TTLL6: variants seen among roughly 807,000 people sequenced by gnomAD.
TTLL6 encodes tubulin polyglutamylase TTLL6.
A neutral mutation model predicts 96.4 loss-of-function variants in TTLL6; 75 were observed. The ratio of observed to expected loss-of-function variants is 0.78; its 90% CI spans 0.65 to 0.94. The LOEUF (loss-of-function observed/expected upper bound fraction) is 0.94. TTLL6 is among the 40% of genes least tolerant of loss of function. The probability of loss-of-function intolerance (pLI) is 0.00; values close to 1 mark genes in which losing one functional copy is unlikely to be tolerated. For missense variants in TTLL6, 1,030 were observed against 1,093.0 expected (o/e 0.94, Z 0.81); for synonymous variants, 411 against 419.4 (o/e 0.98, Z 0.24).
Position 48,786,271 on chromosome 17 carries a change from C to T in TTLL6, c.1654G>A (p.Glu552Lys). 1 of 1,614,264 alleles carries T rather than the reference C, an allele frequency of 6.2e-7. No homozygotes were observed. Among genetic ancestry groups the T allele is most frequent in the South Asian group, 1.1e-5 (1 of 91,084 alleles). The change falls in exon 12 of 16, where the codon GAG becomes AAG. Residue 552 changes from glutamate to lysine, a missense_variant. Glu to Lys is a moderately conservative substitution (Grantham distance 56, BLOSUM62 1). Coordinates refer to ENST00000393382, the MANE Select transcript of TTLL6 (RefSeq NM_001130918.3). ...KKPFQMKKKV[E>K]MQGESAGEQV... ...TCGCCTGCCGATTCCCCCTGCATCT[C>T]TACCTTCTTCTTCATTTGGAAGGGC...
chr17:48,783,589 A>G (rs668246), intron 13 of TTLL6, among the ~76,000 whole-genome samples: 127,182 of 151,828 alleles, frequency 0.84, 54,666 homozygotes, highest in Non-Finnish European at 0.93. Context: ...GCACCATCAC[A>G]CCTGGCTAAT....
At chr17:48,772,180 A>G (rs1439927486) in intron 13 of TTLL6, among the ~76,000 whole-genome samples, 1 of 152,104 alleles carries the variant, frequency 6.6e-6, no homozygotes, top group Non-Finnish European at 1.5e-5. Flanking sequence ...TCGAGAGAAA[A>G]AAGTAGTCAA....
Position 48,796,146 on chromosome 17 carries a change from C to T in TTLL6, c.913G>A (p.Asp305Asn). The change falls in exon 8 of 16, where the codon GAT becomes AAT. Residue 305 changes from aspartate to asparagine, a missense_variant and splice_region_variant. Transcript: ENST00000393382. ...TTAGTCAGGTGCATGCAGATATCAT[C>T]CTGGGGAAAAAGACACACATCTGTC... ...SYSRPCTDNL[D>N]DICMHLTNYS... 6.4e-7 allele frequency: 1 copy of T among 1,550,922 alleles called. No individual in the cohort carries two copies. The highest frequency in any genetic ancestry group is 2.0e-5 in the Admixed American group (1 of 50,944).
chr17:48,769,347 C>T, intron 14 of TTLL6, 93 bp from the exon 15 acceptor site: 1 of 1,408,020 alleles, frequency 7.1e-7, no homozygotes, highest in South Asian at 1.4e-5. Flanking sequence ...GGTCCCATGG[C>T]CTGTAACTGC....
intron 6 of TTLL6, among the ~76,000 whole-genome samples, chr17:48,799,394 T>C (rs1350001055): frequency 3.3e-5 from 5 of 152,176 alleles, no homozygotes; most frequent in Non-Finnish European, 7.3e-5. Context: ...GCCAGACCAA[T>C]TGACAAGGGT....
chr17:48,810,163 A>T (rs2039559644), intron 1 of TTLL6, among the ~76,000 whole-genome samples: 1 of 151,794 alleles, frequency 6.6e-6, no homozygotes, highest in Admixed American at 6.6e-5. Flanking sequence ...AAAAAAGGAA[A>T]AGAAAAGAAA....
intron 1 of TTLL6, chr17:48,812,369 C>G (rs962438667): frequency 2.0e-5 from 3 of 152,150 alleles, no homozygotes; most frequent in African/African-American, 7.2e-5. Flanking sequence ...GGTGACTAAG[C>G]CACTTATTAA....
chr17:48,810,461 T>C (rs926252871), intron 1 of TTLL6, among the ~76,000 whole-genome samples: 2 of 152,144 alleles, frequency 1.3e-5, no homozygotes, highest in Admixed American at 1.3e-4. Flanking sequence ...CTGAATCCTG[T>C]CTCTCCAAAG....
intron 1 of TTLL6, chr17:48,806,399 G>A (rs932850288): frequency 6.6e-6 from 1 of 152,068 alleles, no homozygotes; most frequent in African/African-American, 2.4e-5. Flanking sequence ...CCCAATTAAT[G>A]GATTCATATT....
At chr17:48,813,288 G>C (rs1012704634) in intron 1 of TTLL6, among the ~76,000 whole-genome samples, 10 of 152,146 alleles carry the variant, frequency 6.6e-5, no homozygotes, top group African/African-American at 2.4e-4. Flanking sequence ...AGGCACGATG[G>C]CTCATGCCTG....
chr17:48,814,905 G>A (rs1001773066), intron 1 of TTLL6, among the ~76,000 whole-genome samples: 1 of 152,050 alleles, frequency 6.6e-6, no homozygotes, highest in South Asian at 2.1e-4. Flanking sequence ...TTAGCTTCCC[G>A]GGAGCTGGGA....
At position 48,785,097 on chromosome 17, in the gene TTLL6, G is replaced by A. The variant is rs1195470692; in HGVS notation, c.1866C>T (p.Pro622=). 6.2e-7 allele frequency: 1 copy of A among 1,614,154 alleles called. No individual in the cohort carries two copies. Among genetic ancestry groups the A allele is most frequent in the South Asian group, 1.1e-5 (1 of 91,084 alleles). ...ETDSSLNQEA[P]TEEASSVFPK... is the part of the protein sequence containing the mutation. ...GGAAAACAGAGCTGGCCTCCTCCGT[G>A]GGAGCCTCCTGGTTGAGGCTGCTGT... is the stretch of plus-strand genomic sequence containing the variant. Residue 622 remains proline (P), a synonymous_variant, in exon 13 of 16, where the codon CCC becomes CCT. Transcript: ENST00000393382.
At chr17:48,804,056 T>C in intron 2 of TTLL6, 128 bp from the exon 3 acceptor site, 2 of 1,083,272 alleles carry the variant, frequency 1.8e-6, no homozygotes, top group Non-Finnish European at 2.7e-6. Flanking sequence ...TAAGCCTGGT[T>C]TGACCGTCCC....
At chr17:48,771,961 C>T (rs66866087) in intron 13 of TTLL6, among the ~76,000 whole-genome samples, 47,930 of 150,860 alleles carry the variant, frequency 0.32, 7,924 homozygotes, top group Admixed American at 0.41. Context: ...TGCAATTCCA[C>T]CTACTCGGGA....
At chr17:48,802,877 A>T (rs769427452) in intron 3 of TTLL6, among the ~76,000 whole-genome samples, 4 of 150,110 alleles carry the variant, frequency 2.7e-5, no homozygotes, top group Middle Eastern at 3.5e-3. Context: ...TCTCAAAAAA[A>T]ATAAATAAAT....
intron 1 of TTLL6, among the ~76,000 whole-genome samples, chr17:48,805,731 G>C (rs2039495613): frequency 6.6e-6 from 1 of 152,180 alleles, no homozygotes; most frequent in Non-Finnish European, 1.5e-5. Context: ...CCAACACTCT[G>C]GGAGGCCAAG....
intron 11 of TTLL6, 122 bp from the exon 12 acceptor site, chr17:48,786,457 A>C: frequency 9.0e-7 from 1 of 1,111,690 alleles, no homozygotes; most frequent in Non-Finnish European, 1.3e-6. Flanking sequence ...CCCTCCTCCA[A>C]CATATCCAGT....
intron 8 of TTLL6, among the ~76,000 whole-genome samples, chr17:48,795,104 G>T (rs1373941353): frequency 6.6e-6 from 1 of 152,188 alleles, no homozygotes; most frequent in Non-Finnish European, 1.5e-5. Context: ...GAGGTGGGAA[G>T]ATCACGAGGT....
intron 10 of TTLL6, 53 bp from the exon 11 acceptor site, chr17:48,788,052 T>G (rs924081843): frequency 6.4e-7 from 1 of 1,570,956 alleles, no homozygotes; most frequent in Non-Finnish European, 8.7e-7. Flanking sequence ...GGACAAAGCC[T>G]GGAAGGGATA....
Sources: gnomAD v4.1 joint callset for allele counts (sites outside exome capture counted in the v4.1 genomes callset) on GRCh38, gnomAD v4.1.1 for gene constraint, MANE v1.5 for transcripts, NCBI Gene and HGNC (gene_info 2026-07-23, HGNC 2026-07-21) for gene names.